Variants in TTC29 observed in about 807,000 individuals in gnomAD.
TTC29 encodes the protein tetratricopeptide repeat domain 29.
A neutral mutation model predicts 58.1 loss-of-function variants in TTC29; 49 were observed. The observed-to-expected ratio is 0.84, with a 90% CI of 0.67 to 1.07. The LOEUF is 1.07. TTC29 is among the 50% of genes least tolerant of loss of function. The pLI is 0.00. For missense variants in TTC29, 582 were observed against 555.6 expected (o/e 1.05, Z -0.48); for synonymous variants, 209 against 196.8 (o/e 1.06, Z -0.52).
intron 11 of TTC29, among the ~76,000 whole-genome samples, chr4:146,734,304 T>G (rs1050749459): frequency 6.6e-6 from 1 of 152,104 alleles, no homozygotes; most frequent in Non-Finnish European, 1.5e-5. Context: ...GTGGAACACG[T>G]GGAGTTTCCT....
At chr4:146,799,936 A>G (rs1561136070) in intron 11 of TTC29, among the ~76,000 whole-genome samples, 2 of 152,204 alleles carry the variant, frequency 1.3e-5, no homozygotes, top group Non-Finnish European at 2.9e-5. Context: ...GATTGTAGAG[A>G]TAATAGCTCT....
intron 8 of TTC29, among the ~76,000 whole-genome samples, chr4:146,843,854 T>G (rs192637309): frequency 1.3e-5 from 2 of 152,324 alleles, no homozygotes; most frequent in Admixed American, 1.3e-4. Flanking sequence ...TTGATTGAAA[T>G]TTTATTTTCA....
At chr4:146,899,581 T>C (rs1217079045) in intron 6 of TTC29, among the ~76,000 whole-genome samples, 2 of 152,132 alleles carry the variant, frequency 1.3e-5, no homozygotes, top group Non-Finnish European at 2.9e-5. Flanking sequence ...AACCAGGCCA[T>C]GCCGCACACC....
At chr4:146,869,819 T>C (rs72733720) in intron 7 of TTC29, among the ~76,000 whole-genome samples, 8,169 of 152,176 alleles carry the variant, frequency 0.054, 342 homozygotes, top group East Asian at 0.13. Flanking sequence ...ACTTTTCTTG[T>C]ACATGAATAG....
chr4:146,763,107 G>T (rs1216602326), intron 11 of TTC29, among the ~76,000 whole-genome samples: 2 of 151,916 alleles, frequency 1.3e-5, no homozygotes, highest in African/African-American at 2.4e-5. Context: ...TTTTAATTGT[G>T]CAGCTTTCAG....
Position 146,874,822 on chromosome 4 carries a change from C to G in TTC29, c.693G>C (p.Glu231Asp). ...GTAATCTGTAAGTCCTCAGGAGACTCTCACAGGCCAACAAGTTGAGAGAGC... is the reference window on the plus strand; with the variant it reads ...GTAATCTGTAAGTCCTCAGGAGACTGTCACAGGCCAACAAGTTGAGAGAGC... ...TGRSLNLLACESLLRTYRLLS... is the reference protein window; with the variant it reads ...TGRSLNLLACDSLLRTYRLLS... The change falls in exon 7 of 13, where the codon GAG (glutamate) becomes GAC (aspartate). Residue 231 changes from glutamate to aspartate, a missense_variant. Physicochemically the swap from Glu to Asp is conservative, Grantham distance 45. Coordinates refer to ENST00000325106, the MANE Select transcript of TTC29 (RefSeq NM_031956.4). The G allele has an allele frequency of 6.2e-7, 1 of 1,613,174 alleles. No homozygotes were observed. Among genetic ancestry groups the G allele is most frequent in the East Asian group, 2.2e-5 (1 of 44,726 alleles).
intron 8 of TTC29, among the ~76,000 whole-genome samples, chr4:146,852,986 G>T (rs1377148871): frequency 6.6e-6 from 1 of 151,844 alleles, no homozygotes; most frequent in Non-Finnish European, 1.5e-5. Context: ...CTTTAATGTT[G>T]TGGGTTGAGA....
chr4:146,810,602 T>G (rs1750957022), intron 10 of TTC29, among the ~76,000 whole-genome samples: 1 of 146,936 alleles, frequency 6.8e-6, no homozygotes, highest in Admixed American at 6.9e-5. Context: ...TTTTTTTTTT[T>G]TTTTTTTGAG....
At chr4:146,814,783 G>A (rs1290138988) in intron 10 of TTC29, among the ~76,000 whole-genome samples, 9 of 149,130 alleles carry the variant, frequency 6.0e-5, no homozygotes, top group South Asian at 2.1e-4. Context: ...CCATTCTTTC[G>A]TTGCTAAGGG....
intron 11 of TTC29, among the ~76,000 whole-genome samples, chr4:146,774,164 C>A (rs1309805498): frequency 6.6e-6 from 1 of 151,988 alleles, no homozygotes; most frequent in Admixed American, 6.6e-5. Flanking sequence ...CTTATTTATT[C>A]TTTCAAAAAA....
intron 11 of TTC29, among the ~76,000 whole-genome samples, chr4:146,709,217 T>C (rs574766605): frequency 1.3e-5 from 2 of 152,242 alleles, no homozygotes; most frequent in South Asian, 4.1e-4. Context: ...ACCACAGCCA[T>C]TAATTCTCCT....
At chr4:146,750,700 C>T (rs567750959) in intron 11 of TTC29, among the ~76,000 whole-genome samples, 6 of 151,698 alleles carry the variant, frequency 4.0e-5, no homozygotes, top group African/African-American at 1.5e-4. Context: ...TCATGGTGAT[C>T]GCAAAACAAA....
At position 146,886,001 on chromosome 4, in the gene TTC29, A is replaced by T. The variant is rs116811866; in HGVS notation, c.587-11073T>A. 4.1e-3 allele frequency among the ~76,000 whole-genome samples: 623 copies of T among 152,226 alleles called. 6 individuals are homozygous for T. The highest frequency in any genetic ancestry group is 0.014 in the African/African-American group (563 of 41,546). On this transcript the variant is annotated intron_variant, in intron 6 of 12. Coordinates refer to ENST00000325106, the MANE Select transcript of TTC29 (RefSeq NM_031956.4). ...TTTTCTGTATTTTTGCCATTAAATT[A>T]TAGTTGCCAACATTTTTCTTACCAA...
At chr4:146,856,335 A>C (rs1358325423) in intron 8 of TTC29, among the ~76,000 whole-genome samples, 3 of 152,100 alleles carry the variant, frequency 2.0e-5, no homozygotes, top group Non-Finnish European at 2.9e-5. Flanking sequence ...ATAATCATGA[A>C]GTTTTGGCCC....
intron 4 of TTC29, among the ~76,000 whole-genome samples, chr4:146,931,300 T>A (rs1735321075): frequency 6.6e-6 from 1 of 152,124 alleles, no homozygotes; most frequent in Non-Finnish European, 1.5e-5. Flanking sequence ...TAACTATACA[T>A]AAAGAGAAAT....
intron 2 of TTC29, among the ~76,000 whole-genome samples, chr4:146,942,081 A>T (rs911160978): frequency 6.6e-6 from 1 of 152,220 alleles, no homozygotes; most frequent in Non-Finnish European, 1.5e-5. Context: ...AAAGATTATT[A>T]TCCTGGCCTA....
chr4:146,725,737 T>C (rs1014017146), intron 11 of TTC29, among the ~76,000 whole-genome samples: 1 of 152,138 alleles, frequency 6.6e-6, no homozygotes, highest in Non-Finnish European at 1.5e-5. Context: ...TCTAAGAAAC[T>C]GAGAATAAAA....
At chr4:146,826,140 G>T (rs144550051) in intron 9 of TTC29, among the ~76,000 whole-genome samples, 1 of 152,056 alleles carries the variant, frequency 6.6e-6, no homozygotes. Flanking sequence ...GTGTGAATTT[G>T]ATCCTGTCAT....
intron 4 of TTC29, among the ~76,000 whole-genome samples, chr4:146,927,080 CA>C (rs55786171): frequency 9.1e-4 from 100 of 110,046 alleles, no homozygotes; most frequent in Non-Finnish European, 1.1e-3. Flanking sequence ...GACCCCATCT[CA>C]AAAAAAAAAA....
Sources: gnomAD v4.1 joint callset for allele counts (sites outside exome capture counted in the v4.1 genomes callset) on GRCh38, gnomAD v4.1.1 for gene constraint, MANE v1.5 for transcripts, NCBI Gene and HGNC (gene_info 2026-07-23, HGNC 2026-07-21) for gene names.